Variants in ARHGAP10 observed in about 807,000 individuals in gnomAD.
ARHGAP10 encodes the protein rho GTPase-activating protein 10.
ARHGAP10 carries 87 observed loss-of-function variants against 108.6 expected under a neutral mutation model. The ratio of observed to expected loss-of-function variants is 0.80; its 90% confidence interval spans 0.67 to 0.96. The LOEUF (loss-of-function observed/expected upper bound fraction) is 0.96, where lower values mean the gene tolerates loss of function less well. Ranked by LOEUF, ARHGAP10 falls within the 40% of genes least tolerant of loss-of-function variation. ARHGAP10 has a pLI of 0.00. For missense variants in ARHGAP10, 939 were observed against 954.5 expected (o/e 0.98, Z 0.21); for synonymous variants, 347 against 341.1 (o/e 1.02, Z -0.19).
At chr4:147,986,363 C>A (rs1740045839) in intron 18 of ARHGAP10, among the ~76,000 whole-genome samples, 1 of 152,180 alleles carries the variant, frequency 6.6e-6, no homozygotes, top group African/African-American at 2.4e-5. Context: ...ACTCTGTTTC[C>A]AAAGCCTGTC....
intron 19 of ARHGAP10, among the ~76,000 whole-genome samples, chr4:148,027,148 A>G (rs1055045395): frequency 3.3e-5 from 5 of 152,330 alleles, no homozygotes; most frequent in Non-Finnish European, 7.3e-5. Flanking sequence ...TACCATCTGA[A>G]TCTCTTTCTT....
At chr4:147,878,054 A>G (rs1579150473) in intron 8 of ARHGAP10, among the ~76,000 whole-genome samples, 2 of 147,366 alleles carry the variant, frequency 1.4e-5, no homozygotes, top group South Asian at 2.1e-4. Flanking sequence ...CTTCTGCCGC[A>G]CCCTCCCCAG....
intron 9 of ARHGAP10, among the ~76,000 whole-genome samples, chr4:147,881,007 C>G (rs1735306217): frequency 6.6e-6 from 1 of 152,224 alleles, no homozygotes; most frequent in South Asian, 2.1e-4. Context: ...GGGACACTGG[C>G]TCACGCCTGT....
intron 3 of ARHGAP10, among the ~76,000 whole-genome samples, chr4:147,824,309 G>A (rs1306664976): frequency 6.7e-6 from 1 of 149,682 alleles, no homozygotes; most frequent in African/African-American, 2.5e-5. Context: ...GCAACAGAGT[G>A]GGACTCTGTC....
chr4:147,804,854 T>C (rs1731719385), intron 1 of ARHGAP10, among the ~76,000 whole-genome samples: 1 of 152,216 alleles, frequency 6.6e-6, no homozygotes, highest in Non-Finnish European at 1.5e-5. Flanking sequence ...TTAAGCTCCT[T>C]ATAGGTTCTG....
At chr4:147,779,164 G>A (rs1730425802) in intron 1 of ARHGAP10, among the ~76,000 whole-genome samples, 1 of 152,192 alleles carries the variant, frequency 6.6e-6, no homozygotes, top group South Asian at 2.1e-4. Context: ...TGATGCTGAT[G>A]TTGCTGGTTC....
chr4:147,824,280 C>CCA (rs1732616912), intron 3 of ARHGAP10, among the ~76,000 whole-genome samples: 1 of 151,808 alleles, frequency 6.6e-6, no homozygotes. Context: ...TGAGAGTGAA[C>CCA]CACTGCACTC....
intron 4 of ARHGAP10, among the ~76,000 whole-genome samples, chr4:147,852,564 G>A (rs1352183132): frequency 1.3e-5 from 2 of 152,164 alleles, no homozygotes; most frequent in East Asian, 3.9e-4. Context: ...GGAGTGGGGA[G>A]TCCTCACTTA....
chr4:147,886,658 C>G (rs1369250415), intron 10 of ARHGAP10, among the ~76,000 whole-genome samples: 1 of 152,230 alleles, frequency 6.6e-6, no homozygotes, highest in African/African-American at 2.4e-5. Context: ...TCTGCCTTCT[C>G]TCTTTCTAGA....
chr4:147,894,695 G>T (rs1735918698), intron 10 of ARHGAP10, among the ~76,000 whole-genome samples: 1 of 152,074 alleles, frequency 6.6e-6, no homozygotes, highest in Non-Finnish European at 1.5e-5. Flanking sequence ...GATTTTTGGG[G>T]TATATATGGT....
In ARHGAP10 at chr4:147,766,799, CATATATATATATATATATATAT is replaced by C. The variant is rs57572532; in HGVS notation, c.154+34363_154+34384del. 7.1e-3 allele frequency among the ~76,000 whole-genome samples: 892 copies of C among 126,422 alleles called. 8 individuals are homozygous for C. The highest frequency in any genetic ancestry group is 0.019 in the East Asian group (91 of 4,762). 82.9% of individuals were successfully genotyped at this position (126,422 alleles called of 152,430 possible). On this transcript the variant is annotated intron_variant, in intron 1 of 22. Coordinates refer to ENST00000336498, the MANE Select transcript of ARHGAP10 (RefSeq NM_024605.4). ...TCATATATATTCATACATATATTCA[CATATATATATATATATATATAT>C]ATATATATATATATATATTTATTTA...
chr4:147,732,152 G>T lies in ARHGAP10; in HGVS notation c.-150G>T, dbSNP rs1186046030. Reference sequence around the variant, plus strand: ...CCGCGCCGCAGGACTCGGCTCTACGGGACATGTCCGTGCCGCGCTCGCCGC... The same window carrying T: ...CCGCGCCGCAGGACTCGGCTCTACGTGACATGTCCGTGCCGCGCTCGCCGC... On this transcript the variant is annotated 5_prime_UTR_variant, in exon 1 of 23. Transcript: ENST00000336498. 4.6e-6 allele frequency: 3 copies of T among 653,168 alleles called. No homozygotes were observed. The East Asian group carries it at 1.1e-4, about 24-fold the overall frequency. 40.5% of individuals were successfully genotyped at this position (653,168 alleles called of 1,614,324 possible).
At position 147,971,540 on chromosome 4, in the gene ARHGAP10, CA is replaced by C. The variant is rs1739406039; in HGVS notation, c.1716+4702del. Among the ~76,000 whole-genome samples the C allele has an allele frequency of 2.6e-5, 4 of 152,228 alleles. No homozygotes were observed. In the South Asian group the frequency reaches 8.3e-4, roughly 32 times the overall value. On this transcript the variant is annotated intron_variant, in intron 18 of 22. Coordinates refer to ENST00000336498, the MANE Select transcript of ARHGAP10 (RefSeq NM_024605.4). Reference sequence around the variant, plus strand: ...AGTTTCCCCAGTAAGTGTTTTGAATCAGTTTTATAATGGAGTTTGAACAGGT... The same window carrying C: ...AGTTTCCCCAGTAAGTGTTTTGAATCGTTTTATAATGGAGTTTGAACAGGT...
chr4:147,815,189 T>G (rs1732187951), intron 1 of ARHGAP10, among the ~76,000 whole-genome samples: 2 of 152,214 alleles, frequency 1.3e-5, no homozygotes, highest in Non-Finnish European at 2.9e-5. Context: ...ACCTTCAGTC[T>G]GCTCTCAACA....
At position 147,752,188 on chromosome 4, in the gene ARHGAP10, T is replaced by C. The variant is rs141427839; in HGVS notation, c.154+19733T>C. 7.1e-3 allele frequency among the ~76,000 whole-genome samples: 1,088 copies of C among 152,244 alleles called. 11 individuals carry two copies. The highest frequency in any genetic ancestry group is 0.025 in the African/African-American group (1,038 of 41,546). On this transcript the variant is annotated intron_variant, in intron 1 of 22. Coordinates refer to ENST00000336498, the MANE Select transcript of ARHGAP10 (RefSeq NM_024605.4). The stretch of plus-strand genomic sequence containing the variant: ...ATGAGCCACAACGCCTGGCCAAGCC[T>C]TTAGTATTATAGAAGAGCATGCATT...
At position 147,781,338 on chromosome 4, in the gene ARHGAP10, G is replaced by A. The variant is rs767813706; in HGVS notation, c.155-41389G>A. Among the ~76,000 whole-genome samples the A allele has an allele frequency of 6.6e-5, 10 of 152,064 alleles. No individual in the cohort carries two copies. In the South Asian group the frequency reaches 8.3e-4, roughly 13 times the overall value. The stretch of plus-strand genomic sequence containing the variant: ...TGGGGGATAGGTAGGTGTGGCAACC[G>A]TTTAATTTTTGACCAAACTGGGACA... On this transcript the variant is annotated intron_variant, in intron 1 of 22. Coordinates refer to ENST00000336498, the MANE Select transcript of ARHGAP10 (RefSeq NM_024605.4).
intron 3 of ARHGAP10, among the ~76,000 whole-genome samples, chr4:147,827,425 C>A (rs1188830646): frequency 1.3e-5 from 2 of 152,074 alleles, no homozygotes; most frequent in Non-Finnish European, 2.9e-5. Context: ...CAAAGTGCGC[C>A]AGCAAAGATA....
intron 16 of ARHGAP10, among the ~76,000 whole-genome samples, chr4:147,961,399 C>T (rs1413806576): frequency 1.3e-5 from 2 of 151,946 alleles, no homozygotes; most frequent in African/African-American, 4.8e-5. Context: ...TCTCTTTTTT[C>T]CCTGATTGGT....
chr4:148,068,708 A>G (rs1398600188), intron 22 of ARHGAP10, among the ~76,000 whole-genome samples: 3 of 152,244 alleles, frequency 2.0e-5, no homozygotes, highest in African/African-American at 7.2e-5. Context: ...GATAGGACAG[A>G]GCCCAGGACG....
Sources: gnomAD v4.1 joint callset for allele counts (sites outside exome capture counted in the v4.1 genomes callset) on GRCh38, gnomAD v4.1.1 for gene constraint, MANE v1.5 for transcripts, NCBI Gene and HGNC (gene_info 2026-07-23, HGNC 2026-07-21) for gene names.